Variants in UBQLN1 observed in about 807,000 individuals in gnomAD.
UBQLN1 encodes ubiquilin-1.
In UBQLN1, 13 loss-of-function variants were observed where a neutral mutation model predicts 65.4. The ratio of observed to expected loss-of-function variants is 0.20; its 90% CI spans 0.13 to 0.32. UBQLN1 has a LOEUF of 0.32. UBQLN1 is among the 10% of genes least tolerant of loss of function. UBQLN1 has a pLI of 1.00. For synonymous variants in UBQLN1, 267 were observed against 247.8 expected, an observed-to-expected ratio of 1.08 and a Z score of -0.73; for missense variants, 561 against 724.0, an observed-to-expected ratio of 0.77 and a Z score of 2.58.
intron 2 of UBQLN1, among the ~76,000 whole-genome samples, chr9:83,683,380 C>G (rs1281967343): frequency 1.4e-5 from 2 of 140,796 alleles, no homozygotes; most frequent in Non-Finnish European, 3.0e-5. Flanking sequence ...CACTGCACTC[C>G]GTCCAGCCTG....
At chr9:83,676,955 A>G (rs1165692426) in intron 6 of UBQLN1, among the ~76,000 whole-genome samples, 2 of 152,240 alleles carry the variant, frequency 1.3e-5, no homozygotes, top group African/African-American at 2.4e-5. Context: ...AAAGTGGACA[A>G]AAGTAAATTT....
intron 1 of UBQLN1, among the ~76,000 whole-genome samples, chr9:83,697,736 T>C (rs1314064114): frequency 2.4e-5 from 2 of 82,134 alleles, no homozygotes; most frequent in South Asian, 5.5e-4. Context: ...TTGTACCCTT[T>C]TTTTTTTTTT....
At position 83,682,937 on chromosome 9, in the gene UBQLN1, C is replaced by T. The variant is rs771236261; in HGVS notation, c.448+14G>A. 1 of 1,539,426 alleles carries T rather than the reference C, an allele frequency of 6.5e-7. No individual in the cohort carries two copies. The highest frequency in any genetic ancestry group is 8.9e-7 in the Non-Finnish European group (1 of 1,117,624). ...TTTTTTCCCATCCCTACTGGAATGA[C>T]TAAAGACACTTACCTAAACCAAAAG... On this transcript the variant is annotated intron_variant, in intron 3 of 10. Transcript: ENST00000376395.
chr9:83,706,339 G>T (rs79083353), intron 1 of UBQLN1, among the ~76,000 whole-genome samples: 5,730 of 152,216 alleles, frequency 0.038, 318 homozygotes, highest in African/African-American at 0.13. Context: ...CTTTCCGCAT[G>T]CTTGAAAATA....
At chr9:83,664,827 G>A (rs1831616944) in intron 9 of UBQLN1, among the ~76,000 whole-genome samples, 1 of 147,930 alleles carries the variant, frequency 6.8e-6, no homozygotes, top group Admixed American at 7.0e-5. Flanking sequence ...GCTGAGGTGA[G>A]AGAATCCCTT....
At chr9:83,691,078 C>A (rs1226885574) in intron 1 of UBQLN1, among the ~76,000 whole-genome samples, 2 of 151,962 alleles carry the variant, frequency 1.3e-5, no homozygotes, top group Admixed American at 6.6e-5. Context: ...GCAGAGATTG[C>A]AGTGAGCCAA....
chr9:83,670,916 T>G (rs188112490), intron 6 of UBQLN1, among the ~76,000 whole-genome samples: 6 of 152,232 alleles, frequency 3.9e-5, no homozygotes, highest in African/African-American at 1.4e-4. Flanking sequence ...GTACAAGTTT[T>G]TTCATGGCAT....
rs1832035557 is a variant in UBQLN1, at chr9:83,686,093, A to C, written c.243T>G (p.Ala81=). 2.5e-6 allele frequency: 4 copies of C among 1,599,428 alleles called. No individual in the cohort carries two copies. The highest frequency in any genetic ancestry group is 3.4e-6 in the Non-Finnish European group (4 of 1,176,002). The stretch of plus-strand genomic sequence containing the variant: ...TATCTTGATCTTTCAAAATTTTTCC[A>C]GCAAATATCAACACAAGTTGGTCAG... The part of the protein sequence containing the change: ...SHTDQLVLIF[A]GKILKDQDTL... The change falls in exon 2 of 11, where the codon GCT becomes GCG. Residue 81 remains alanine, a synonymous_variant. Transcript: ENST00000376395.
Position 83,661,585 on chromosome 9 carries a change from A to G in UBQLN1, c.*202T>C. ...TAAATGCAGAAGTGATGCATGCAGT[A>G]GCCTTAATTCCCACTGTTCCAGAAA... On this transcript the variant is annotated 3_prime_UTR_variant, in exon 11 of 11. Coordinates refer to ENST00000376395, the MANE Select transcript of UBQLN1 (RefSeq NM_013438.5). 1 of 480,290 alleles carries G rather than the reference A, an allele frequency of 2.1e-6. No individual in the cohort carries two copies. Among genetic ancestry groups the G allele is most frequent in the Non-Finnish European group, 3.6e-6 (1 of 281,560 alleles). The allele number at this position is 480,290 out of a possible 1,614,324, so 29.8% of individuals were successfully genotyped here.
chr9:83,682,292 A>ATG (rs895411538), intron 3 of UBQLN1, among the ~76,000 whole-genome samples: 12 of 150,898 alleles, frequency 8.0e-5, no homozygotes, highest in African/African-American at 2.7e-4. Context: ...CTCAAAAAAT[A>ATG]TATATATATA....
At chr9:83,703,525 C>A (rs1436320401) in intron 1 of UBQLN1, among the ~76,000 whole-genome samples, 3 of 150,070 alleles carry the variant, frequency 2.0e-5, no homozygotes, top group African/African-American at 7.3e-5. Context: ...TTCCAAAATC[C>A]AAAAAAAAAG....
At chr9:83,706,295 G>A (rs904690623) in intron 1 of UBQLN1, among the ~76,000 whole-genome samples, 3 of 152,130 alleles carry the variant, frequency 2.0e-5, no homozygotes, top group African/African-American at 7.2e-5. Flanking sequence ...TGTAGATGAT[G>A]GACATATGTG....
chr9:83,698,357 C>A (rs1832254997), intron 1 of UBQLN1, among the ~76,000 whole-genome samples: 1 of 152,078 alleles, frequency 6.6e-6, no homozygotes, highest in East Asian at 1.9e-4. Context: ...CTATTAAGCA[C>A]CTGAAATGTG....
chr9:83,679,332 T>C (rs1831900952), intron 4 of UBQLN1, among the ~76,000 whole-genome samples: 1 of 152,226 alleles, frequency 6.6e-6, no homozygotes, highest in Admixed American at 6.5e-5. Context: ...ACACTCTATT[T>C]TATAAAATGA....
At chr9:83,679,188 C>G (rs536086433) in intron 4 of UBQLN1, among the ~76,000 whole-genome samples, 14 of 152,166 alleles carry the variant, frequency 9.2e-5, no homozygotes, top group Non-Finnish European at 8.8e-5. Context: ...GTCACTGTAA[C>G]AAGAAAGAGT....
chr9:83,704,862 A>T (rs1029624987), intron 1 of UBQLN1, among the ~76,000 whole-genome samples: 1 of 150,962 alleles, frequency 6.6e-6, no homozygotes, highest in Non-Finnish European at 1.5e-5. Context: ...CTTTGGTTAC[A>T]GCAGAGTAAA....
At chr9:83,684,207 T>G (rs1484053989) in intron 2 of UBQLN1, among the ~76,000 whole-genome samples, 3 of 151,848 alleles carry the variant, frequency 2.0e-5, no homozygotes, top group African/African-American at 7.3e-5. Flanking sequence ...TTATTTATTT[T>G]TTTAAAGACA....
chr9:83,673,647 C>T (rs958129354), intron 6 of UBQLN1, among the ~76,000 whole-genome samples: 4 of 144,658 alleles, frequency 2.8e-5, no homozygotes, highest in Non-Finnish European at 6.0e-5. Flanking sequence ...TTTTGTGAAA[C>T]GTGAAAACTA....
chr9:83,663,117 A>G (rs1332265032), intron 10 of UBQLN1, among the ~76,000 whole-genome samples: 1 of 149,876 alleles, frequency 6.7e-6, no homozygotes, highest in Non-Finnish European at 1.5e-5. Context: ...GAAAAAGGGG[A>G]AAGGGGGAAG....
Sources: gnomAD v4.1 joint callset for allele counts (sites outside exome capture counted in the v4.1 genomes callset) on GRCh38, gnomAD v4.1.1 for gene constraint, MANE v1.5 for transcripts, NCBI Gene and HGNC (gene_info 2026-07-23, HGNC 2026-07-21) for gene names.